DOK6: variants seen among roughly 807,000 people sequenced by gnomAD.
DOK6 encodes docking protein 6.
DOK6 carries 22 observed loss-of-function variants against 44.0 expected under a neutral mutation model. The observed-to-expected ratio is 0.50, with a 90% CI of 0.36 to 0.71. The LOEUF (loss-of-function observed/expected upper bound fraction) is 0.71, where lower values mean the gene tolerates loss of function less well. Ranked by LOEUF, DOK6 falls within the 30% of genes least tolerant of loss-of-function variation. The pLI, the probability that DOK6 is intolerant of heterozygous loss-of-function variation, is 0.00. For synonymous variants in DOK6, 166 were observed against 145.5 expected (o/e 1.14, Z -1.01); for missense variants, 340 against 416.4 (o/e 0.82, Z 1.60).
At position 69,603,171 on chromosome 18, in the gene DOK6, A is replaced by G. The variant is rs1254575143; in HGVS notation, c.289+3673A>G. On this transcript the variant is annotated intron_variant, in intron 3 of 7. Transcript: ENST00000382713. ...CAGGGTCATTTTAGAATACTGTTTT[A>G]TTGCTAACTTTGAAATAATTATCGA... Among the ~76,000 whole-genome samples, 3 of 152,156 alleles carry G rather than the reference A, an allele frequency of 2.0e-5. No homozygotes were observed. The East Asian group carries it at 5.8e-4, about 29-fold the overall frequency.
chr18:69,772,942 C>T (rs1364843319), intron 7 of DOK6, among the ~76,000 whole-genome samples: 1 of 152,022 alleles, frequency 6.6e-6, no homozygotes, highest in Non-Finnish European at 1.5e-5. Flanking sequence ...AACTGTATAT[C>T]TGATAAGGAA....
chr18:69,406,257 C>T (rs1916204086), intron 1 of DOK6, among the ~76,000 whole-genome samples: 1 of 152,132 alleles, frequency 6.6e-6, no homozygotes, highest in Admixed American at 6.5e-5. Context: ...ACTGCATGTT[C>T]GTGTGTATGA....
intron 1 of DOK6, among the ~76,000 whole-genome samples, chr18:69,525,939 A>C (rs1271091339): frequency 6.6e-6 from 1 of 152,104 alleles, no homozygotes; most frequent in East Asian, 1.9e-4. Context: ...AAACACACAC[A>C]GTAAAGTTTG....
At chr18:69,711,144 T>G (rs189815673) in intron 5 of DOK6, among the ~76,000 whole-genome samples, 9 of 152,312 alleles carry the variant, frequency 5.9e-5, no homozygotes, top group Non-Finnish European at 1.3e-4. Context: ...ATAAGACACC[T>G]CCAATTCATA....
At chr18:69,668,051 T>G (rs1985703887) in intron 3 of DOK6, among the ~76,000 whole-genome samples, 1 of 152,310 alleles carries the variant, frequency 6.6e-6, no homozygotes, top group East Asian at 1.9e-4. Flanking sequence ...CACTACATGA[T>G]AAATCCATTT....
chr18:69,805,226 A>G (rs1981020721), intron 7 of DOK6, among the ~76,000 whole-genome samples: 1 of 152,194 alleles, frequency 6.6e-6, no homozygotes. Context: ...TACTGTTGAG[A>G]CAGTAAACTC....
At chr18:69,656,992 T>C (rs1599246053) in intron 3 of DOK6, among the ~76,000 whole-genome samples, 1 of 152,040 alleles carries the variant, frequency 6.6e-6, no homozygotes, top group Non-Finnish European at 1.5e-5. Context: ...TTAGAGAAGA[T>C]AGGAAAGGAG....
rs113715024 is a variant in DOK6 at position 69,743,678 on chromosome 18, T to C, written c.738+4575T>C. Among the ~76,000 whole-genome samples the C allele has an allele frequency of 4.8e-3, 720 of 151,100 alleles. 3 individuals are homozygous for C. The highest frequency in any genetic ancestry group is 0.016 in the African/African-American group (661 of 40,770). On this transcript the variant is annotated intron_variant, in intron 6 of 7. Coordinates refer to ENST00000382713, the MANE Select transcript of DOK6 (RefSeq NM_152721.6). Reference sequence around the variant, plus strand: ...AGACAAGAATGAGAAAAAAAAAGATTTTTTTTTTCTGCTATATCCAAAATA... The same window carrying C: ...AGACAAGAATGAGAAAAAAAAAGATCTTTTTTTTCTGCTATATCCAAAATA...
chr18:69,541,460 T>G (rs1482898915), intron 1 of DOK6, among the ~76,000 whole-genome samples: 3 of 151,518 alleles, frequency 2.0e-5, no homozygotes. Context: ...ACCCAACCAT[T>G]TCCAATCATT....
intron 1 of DOK6, among the ~76,000 whole-genome samples, chr18:69,509,408 C>T (rs570944471): frequency 8.5e-5 from 13 of 152,066 alleles, no homozygotes; most frequent in Admixed American, 2.6e-4. Context: ...GAGGCCAAGG[C>T]GGGCGGATCA....
intron 5 of DOK6, among the ~76,000 whole-genome samples, chr18:69,732,330 T>A (rs1599293003): frequency 6.6e-6 from 1 of 152,082 alleles, no homozygotes; most frequent in Non-Finnish European, 1.5e-5. Flanking sequence ...TCTTTTAAAA[T>A]TTTTTTCCCA....
intron 1 of DOK6, among the ~76,000 whole-genome samples, chr18:69,532,276 G>C (rs143663173): frequency 6.6e-6 from 1 of 152,330 alleles, no homozygotes; most frequent in Non-Finnish European, 1.5e-5. Context: ...TCAGTGTTCT[G>C]AGGAAGAGGA....
intron 6 of DOK6, among the ~76,000 whole-genome samples, chr18:69,749,436 G>C (rs1346758947): frequency 6.6e-6 from 1 of 151,966 alleles, no homozygotes; most frequent in Non-Finnish European, 1.5e-5. Context: ...AGATTATGAG[G>C]AAACATTATA....
intron 1 of DOK6, among the ~76,000 whole-genome samples, chr18:69,466,565 T>C (rs1979932773): frequency 6.6e-6 from 1 of 152,126 alleles, no homozygotes; most frequent in South Asian, 2.1e-4. Context: ...GTAATTCTAG[T>C]CTTAATTTTT....
At chr18:69,460,309 T>C (rs1185193970) in intron 1 of DOK6, among the ~76,000 whole-genome samples, 1 of 152,188 alleles carries the variant, frequency 6.6e-6, no homozygotes, top group Non-Finnish European at 1.5e-5. Flanking sequence ...ACAACTTAAG[T>C]AATAAAACTT....
At chr18:69,490,298 T>C (rs1009638123) in intron 1 of DOK6, among the ~76,000 whole-genome samples, 5 of 152,208 alleles carry the variant, frequency 3.3e-5, no homozygotes, top group African/African-American at 1.2e-4. Flanking sequence ...CTAGTCCACA[T>C]TGTTTTAACT....
chr18:69,748,211 G>A (rs1000819295), intron 6 of DOK6, among the ~76,000 whole-genome samples: 18 of 152,062 alleles, frequency 1.2e-4, no homozygotes, highest in South Asian at 4.2e-4. Flanking sequence ...AAATATGTAC[G>A]CACCCAATAC....
intron 1 of DOK6, among the ~76,000 whole-genome samples, chr18:69,444,931 G>T (rs1002625564): frequency 2.6e-5 from 4 of 151,952 alleles, no homozygotes; most frequent in African/African-American, 9.7e-5. Flanking sequence ...GTGGGGTATT[G>T]TCATCTAAAC....
intron 6 of DOK6, among the ~76,000 whole-genome samples, chr18:69,753,605 G>C (rs1315087323): frequency 3.9e-5 from 6 of 152,176 alleles, no homozygotes; most frequent in Non-Finnish European, 7.4e-5. Flanking sequence ...ATAGAAGGAA[G>C]AGAGAGTTAG....
Sources: gnomAD v4.1 joint callset for allele counts (sites outside exome capture counted in the v4.1 genomes callset) on GRCh38, gnomAD v4.1.1 for gene constraint, MANE v1.5 for transcripts, NCBI Gene and HGNC (gene_info 2026-07-23, HGNC 2026-07-21) for gene names.